PDS5A: variants seen among roughly 807,000 people sequenced by gnomAD.
The protein encoded by PDS5A is sister chromatid cohesion protein PDS5 homolog A.
Under a neutral mutation model 167.1 loss-of-function variants are expected in PDS5A, and 42 were observed. The ratio of observed to expected loss-of-function variants is 0.25; its 90% CI spans 0.20 to 0.33. The LOEUF is 0.33. PDS5A is among the 10% of genes least tolerant of loss of function. The pLI is 1.00. For synonymous variants in PDS5A, 553 were observed against 554.6 expected, an observed-to-expected ratio of 1.00 and a Z score of 0.04; for missense variants, 1,033 against 1,605.9, an observed-to-expected ratio of 0.64 and a Z score of 6.10.
rs1430846201 is a variant in PDS5A at position 39,890,326 on chromosome 4, T to C, written c.1809A>G (p.Pro603=). Residue 603 remains proline, a synonymous_variant, in exon 17 of 33, where the codon CCA becomes CCG. Transcript: ENST00000303538. Reference sequence around the variant, plus strand: ...TGACCATCTCTAGAAAAGGATTTGTTGGTTGCTTAGGATTTGCAAGTTTCC... The same window carrying C: ...TGACCATCTCTAGAAAAGGATTTGTCGGTTGCTTAGGATTTGCAAGTTTCC... The part of the protein sequence containing the change: ...IARKLANPKQ[P]TNPFLEMVKF... The C allele has an allele frequency of 6.3e-6, 10 of 1,585,540 alleles. No homozygotes were observed. Among genetic ancestry groups the C allele is most frequent in the Non-Finnish European group, 8.6e-6 (10 of 1,164,250 alleles).
chr4:39,871,963 C>T (rs1052973442), intron 21 of PDS5A, among the ~76,000 whole-genome samples: 1 of 152,100 alleles, frequency 6.6e-6, no homozygotes, highest in African/African-American at 2.4e-5. Context: ...ACCTCGGCCC[C>T]TCAAAGTGCT....
chr4:39,930,246 A>AAAAAAAAAAAAAAAAAAAACT, intron 2 of PDS5A, among the ~76,000 whole-genome samples: 1 of 93,090 alleles, frequency 1.1e-5, no homozygotes, highest in Non-Finnish European at 2.2e-5. Context: ...AAAAAAAAAA[A>AAAAAAAAAAAAAAAAAAAACT]GTTTTTTTGT....
At chr4:39,932,502 A>G (rs558552283) in intron 2 of PDS5A, 12 of 227,928 alleles carry the variant, frequency 5.3e-5, no homozygotes, top group Admixed American at 1.7e-4. Context: ...TCCTGATGCC[A>G]TGTATGTCAA....
chr4:39,837,818 G>A, intron 32 of PDS5A, 38 bp downstream of exon 32: 1 of 1,471,356 alleles, frequency 6.8e-7, no homozygotes, highest in Non-Finnish European at 9.3e-7. Flanking sequence ...AAAACAAAAT[G>A]TCTAAATTCC....
intron 32 of PDS5A, among the ~76,000 whole-genome samples, chr4:39,832,460 G>A (rs1382385724): frequency 6.6e-6 from 1 of 151,782 alleles, no homozygotes; most frequent in East Asian, 2.0e-4. Flanking sequence ...TGATCCACCC[G>A]CCTCCCAAAG....
intron 2 of PDS5A, among the ~76,000 whole-genome samples, chr4:39,930,769 C>T (rs1019330422): frequency 2.6e-5 from 4 of 151,806 alleles, no homozygotes; most frequent in African/African-American, 9.7e-5. Flanking sequence ...TATTTCTTCC[C>T]TAAATATTTA....
At chr4:39,885,397 C>G (rs988844138) in intron 17 of PDS5A, among the ~76,000 whole-genome samples, 1 of 151,786 alleles carries the variant, frequency 6.6e-6, no homozygotes, top group Non-Finnish European at 1.5e-5. Flanking sequence ...CCCAGGAGCT[C>G]GAGACCAGCC....
intron 16 of PDS5A, among the ~76,000 whole-genome samples, chr4:39,891,055 AG>A (rs1017422163): frequency 5.3e-5 from 8 of 150,550 alleles, no homozygotes; most frequent in Admixed American, 5.3e-4. Flanking sequence ...TTTGAGCTGG[AG>A]TCTCGCTCTG....
chr4:39,924,747 A>C (rs1414677664), intron 5 of PDS5A, among the ~76,000 whole-genome samples: 2 of 152,250 alleles, frequency 1.3e-5, no homozygotes, highest in Non-Finnish European at 2.9e-5. Flanking sequence ...TAGAAAACTT[A>C]TGTGAGGTAT....
chr4:39,927,769 C>CA (rs911420185), intron 3 of PDS5A, among the ~76,000 whole-genome samples, 192 bp downstream of exon 3: 23 of 152,106 alleles, frequency 1.5e-4, no homozygotes, highest in Admixed American at 3.3e-4. Flanking sequence ...TGCTTCAAAT[C>CA]AAACAACCAA....
At chr4:39,834,700 A>G (rs1716230788) in intron 32 of PDS5A, among the ~76,000 whole-genome samples, 1 of 152,218 alleles carries the variant, frequency 6.6e-6, no homozygotes, top group Admixed American at 6.5e-5. Context: ...AGTGTCTTGA[A>G]GTTGATGGAG....
intron 26 of PDS5A, among the ~76,000 whole-genome samples, chr4:39,850,872 A>G (rs888256097): frequency 2.0e-5 from 3 of 152,218 alleles, no homozygotes; most frequent in Non-Finnish European, 4.4e-5. Flanking sequence ...CTGTTTTTAC[A>G]AAGATCCCAG....
At position 39,894,955 on chromosome 4, in the gene PDS5A, C is replaced by T. The variant is rs190051996; in HGVS notation, c.1770+3434G>A. 5.4e-3 allele frequency among the ~76,000 whole-genome samples: 821 copies of T among 151,982 alleles called. 5 individuals are homozygous for T. The highest frequency in any genetic ancestry group is 0.018 in the African/African-American group (753 of 41,488). ...TGAGAAATGTGTTGTTGGCCAGGCA[C>T]GGTGGCTCACACCTGTAATCCCAGC... On this transcript the variant is annotated intron_variant, in intron 16 of 32. Coordinates refer to ENST00000303538, the MANE Select transcript of PDS5A (RefSeq NM_001100399.2).
chr4:39,852,385 A>G (rs1246434690), intron 26 of PDS5A, among the ~76,000 whole-genome samples: 2 of 152,126 alleles, frequency 1.3e-5, no homozygotes, highest in African/African-American at 4.8e-5. Flanking sequence ...CATCCTACGA[A>G]GTACACAGAT....
At chr4:39,952,822 G>A (rs893433938) in intron 2 of PDS5A, among the ~76,000 whole-genome samples, 5 of 148,276 alleles carry the variant, frequency 3.4e-5, no homozygotes, top group African/African-American at 7.5e-5. Flanking sequence ...TCTGCCTCCC[G>A]GGTTCAAATG....
chr4:39,966,988 T>C (rs749145051), intron 2 of PDS5A, among the ~76,000 whole-genome samples: 1 of 149,344 alleles, frequency 6.7e-6, no homozygotes, highest in Non-Finnish European at 1.5e-5. Context: ...AAGAGTGAAA[T>C]TCCCTTTCAA....
At chr4:39,895,679 G>A (rs1250208466) in intron 16 of PDS5A, among the ~76,000 whole-genome samples, 1 of 152,036 alleles carries the variant, frequency 6.6e-6, no homozygotes, top group Non-Finnish European at 1.5e-5. Flanking sequence ...TTAGCTTTTT[G>A]TAATATTTTT....
At chr4:39,860,320 C>G (rs1376340793) in intron 26 of PDS5A, among the ~76,000 whole-genome samples, 1 of 151,922 alleles carries the variant, frequency 6.6e-6, no homozygotes, top group African/African-American at 2.4e-5. Context: ...CAAAAATTAG[C>G]TGGTTGTGGT....
At chr4:39,866,791 T>G in intron 23 of PDS5A, 70 bp downstream of exon 23, 1 of 1,367,702 alleles carries the variant, frequency 7.3e-7, no homozygotes, top group Non-Finnish European at 1.0e-6. Context: ...ATTCATTAGG[T>G]AAATAATTCC....
Sources: gnomAD v4.1 joint callset for allele counts (sites outside exome capture counted in the v4.1 genomes callset) on GRCh38, gnomAD v4.1.1 for gene constraint, MANE v1.5 for transcripts, NCBI Gene and HGNC (gene_info 2026-07-23, HGNC 2026-07-21) for gene names.